The following CALD1 variants were observed in gnomAD, a reference collection of about 807,000 sequenced individuals.
CALD1 encodes the protein caldesmon 1.
Under a neutral mutation model 99.9 loss-of-function variants are expected in CALD1, and 33 were observed. That is an observed-to-expected ratio of 0.33 (90% CI 0.25 to 0.44). The LOEUF is 0.44. Among genes scored for constraint, CALD1 ranks in the 20% least tolerant of loss-of-function variants. The probability of loss-of-function intolerance (pLI) is 1.00; values close to 1 mark genes in which losing one functional copy is unlikely to be tolerated. For synonymous variants in CALD1, 310 were observed against 325.0 expected (o/e 0.95, Z 0.50); for missense variants, 861 against 962.1 (o/e 0.89, Z 1.39).
intron 9 of CALD1, 25 bp from the exon 10 acceptor site, chr7:134,958,044 G>T (rs1441018000): frequency 6.4e-7 from 1 of 1,553,500 alleles, no homozygotes; most frequent in Non-Finnish European, 8.9e-7. Flanking sequence ...TATTAATTGG[G>T]TTTATTTTCT....
In CALD1 at chr7:134,953,700, C is replaced by A. The variant is rs376869484; in HGVS notation, c.1935+3186C>A. ...TTTTTTCAGGAGAAACTACAACCTA[C>A]CCTACCCTCCTCTAATTATTTCTTC... On this transcript the variant is annotated intron_variant, in intron 9 of 14. Coordinates refer to ENST00000361675, the MANE Select transcript of CALD1 (RefSeq NM_033138.4). Among the ~76,000 whole-genome samples the A allele has an allele frequency of 6.4e-5, 9 of 141,572 alleles. No individual in the cohort carries two copies. In the East Asian group the frequency reaches 1.7e-3, roughly 27 times the overall value. The allele number at this position is 141,572 out of a possible 152,430, so 92.9% of individuals were successfully genotyped here.
At chr7:134,826,821 C>A (rs1166480530) in intron 1 of CALD1, among the ~76,000 whole-genome samples, 1 of 152,102 alleles carries the variant, frequency 6.6e-6, no homozygotes, top group Non-Finnish European at 1.5e-5. Context: ...ATTTTTGTCA[C>A]CTCCTGCTCC....
intron 3 of CALD1, among the ~76,000 whole-genome samples, chr7:134,921,357 TTTTAAA>T (rs1479906792): frequency 2.0e-5 from 3 of 152,240 alleles, no homozygotes; most frequent in African/African-American, 7.2e-5. Context: ...TTTCATAATG[TTTTAAA>T]AGGATCCTCA....
intron 1 of CALD1, among the ~76,000 whole-genome samples, chr7:134,819,467 T>C (rs1245024396): frequency 6.6e-6 from 1 of 152,216 alleles, no homozygotes; most frequent in Non-Finnish European, 1.5e-5. Flanking sequence ...AAGTTTACAA[T>C]TGCATGCTTT....
At chr7:134,820,916 T>G (rs746764065) in intron 1 of CALD1, among the ~76,000 whole-genome samples, 12 of 152,092 alleles carry the variant, frequency 7.9e-5, no homozygotes, top group Non-Finnish European at 2.9e-5. Context: ...TTAGAAAAAT[T>G]TTAATGGTAA....
intron 1 of CALD1, among the ~76,000 whole-genome samples, chr7:134,837,806 C>T (rs561672235): frequency 5.3e-5 from 8 of 152,274 alleles, no homozygotes; most frequent in South Asian, 2.1e-4. Context: ...AAGAAAAAAA[C>T]CCTTCAGCGT....
intron 1 of CALD1, among the ~76,000 whole-genome samples, chr7:134,763,420 G>A (rs62462521): frequency 6.6e-6 from 1 of 152,048 alleles, no homozygotes; most frequent in Admixed American, 6.5e-5. Flanking sequence ...AAGCAATGGG[G>A]CTTAGTTTTT....
intron 3 of CALD1, among the ~76,000 whole-genome samples, chr7:134,901,166 G>GT (rs2132606081): frequency 6.6e-6 from 1 of 150,596 alleles, no homozygotes; most frequent in African/African-American, 2.5e-5. Flanking sequence ...GGAGAAGTAG[G>GT]GTTTTTTTTT....
At chr7:134,905,391 C>CGTAA (rs1286144052) in intron 3 of CALD1, among the ~76,000 whole-genome samples, 1 of 152,084 alleles carries the variant, frequency 6.6e-6, no homozygotes, top group East Asian at 1.9e-4. Context: ...TAATGTGTTA[C>CGTAA]CTCCATTTGC....
intron 3 of CALD1, chr7:134,868,027 A>C: frequency 2.9e-6 from 1 of 344,034 alleles, no homozygotes; most frequent in Non-Finnish European, 5.4e-6. Flanking sequence ...GAATCAATTG[A>C]TAACTGCATA....
intron 3 of CALD1, among the ~76,000 whole-genome samples, chr7:134,923,194 C>A (rs180883146): frequency 7.4e-4 from 113 of 152,306 alleles, no homozygotes; most frequent in African/African-American, 2.6e-3. Flanking sequence ...TTTGTGCCAA[C>A]AGATGAGCTA....
intron 3 of CALD1, among the ~76,000 whole-genome samples, chr7:134,907,657 G>T (rs1235325641): frequency 6.6e-6 from 1 of 151,590 alleles, no homozygotes; most frequent in Non-Finnish European, 1.5e-5. Context: ...TGTTTTTTTG[G>T]TTTGGACTTT....
At chr7:134,950,622 A>C (rs1018890654) in intron 9 of CALD1, 108 bp downstream of exon 9, 2 of 929,394 alleles carry the variant, frequency 2.2e-6, no homozygotes, top group East Asian at 2.4e-5. Context: ...TCTTTTTGCT[A>C]TCCTTCCAAG....
intron 2 of CALD1, among the ~76,000 whole-genome samples, chr7:134,864,862 AG>A (rs1328382441): frequency 1.3e-5 from 2 of 152,200 alleles, no homozygotes; most frequent in Admixed American, 1.3e-4. Context: ...TCTTTACAAA[AG>A]AAGTCACCTC....
At chr7:134,848,562 G>C (rs1348377734) in intron 2 of CALD1, among the ~76,000 whole-genome samples, 1 of 152,144 alleles carries the variant, frequency 6.6e-6, no homozygotes. Flanking sequence ...TCCTGAGTTT[G>C]GGGGAAAGCA....
intron 3 of CALD1, among the ~76,000 whole-genome samples, chr7:134,921,514 T>C (rs1210909465): frequency 6.6e-6 from 1 of 152,162 alleles, no homozygotes; most frequent in African/African-American, 2.4e-5. Flanking sequence ...GGAATGTAAA[T>C]TAAAACAACT....
chr7:134,767,696 G>A (rs1004038311), intron 1 of CALD1, among the ~76,000 whole-genome samples: 9 of 152,250 alleles, frequency 5.9e-5, no homozygotes, highest in African/African-American at 2.2e-4. Context: ...GTAAGCACGT[G>A]CAGACGTGCA....
intron 1 of CALD1, among the ~76,000 whole-genome samples, chr7:134,795,823 G>T (rs1171426270): frequency 6.6e-6 from 1 of 152,090 alleles, no homozygotes; most frequent in African/African-American, 2.4e-5. Context: ...ACACTCTGCT[G>T]GGAAGATGCG....
chr7:134,711,773 G>T, the CALD1 span, among the ~76,000 whole-genome samples: 7 of 132,912 alleles, frequency 5.3e-5, no homozygotes, highest in African/African-American at 1.7e-4. Context: ...TATCCTATTG[G>T]TTCTATTTCT....
Sources: gnomAD v4.1 joint callset for allele counts (sites outside exome capture counted in the v4.1 genomes callset) on GRCh38, gnomAD v4.1.1 for gene constraint, MANE v1.5 for transcripts, NCBI Gene and HGNC (gene_info 2026-07-23, HGNC 2026-07-21) for gene names.